Variants in PCDH9 observed in about 807,000 individuals in gnomAD.
PCDH9 encodes protocadherin 9, also known as protocadherin-9.
In PCDH9, 24 loss-of-function variants were observed where a neutral mutation model predicts 70.6. The ratio of observed to expected loss-of-function variants is 0.34; its 90% CI spans 0.25 to 0.48. The LOEUF is 0.48. Among genes scored for constraint, PCDH9 ranks in the 20% least tolerant of loss-of-function variants. The pLI is 0.99. For missense variants in PCDH9, 1,281 were observed against 1,503.6 expected, an observed-to-expected ratio of 0.85 and a Z score of 2.45; for synonymous variants, 562 against 558.5, an observed-to-expected ratio of 1.01 and a Z score of -0.09.
intron 4 of PCDH9, among the ~76,000 whole-genome samples, chr13:66,422,821 G>A (rs1404612396): frequency 2.0e-5 from 3 of 151,980 alleles, no homozygotes; most frequent in Non-Finnish European, 4.4e-5. Flanking sequence ...AGAACTGAAG[G>A]AAACAGAGAC....
intron 2 of PCDH9, among the ~76,000 whole-genome samples, chr13:67,073,778 T>TA (rs1331296659): frequency 6.6e-6 from 1 of 152,134 alleles, no homozygotes; most frequent in Non-Finnish European, 1.5e-5. Flanking sequence ...TTTTGTATGA[T>TA]ACTTTTCTTG....
chr13:66,894,398 A>G (rs931795311), intron 3 of PCDH9, among the ~76,000 whole-genome samples: 1 of 152,198 alleles, frequency 6.6e-6, no homozygotes, highest in African/African-American at 2.4e-5. Context: ...ATTATATAAA[A>G]TTGAAGTATA....
At chr13:67,123,565 G>A (rs929832581) in intron 2 of PCDH9, among the ~76,000 whole-genome samples, 5 of 151,962 alleles carry the variant, frequency 3.3e-5, no homozygotes, top group Non-Finnish European at 5.9e-5. Flanking sequence ...GTAATGTTAC[G>A]ATAATCATCA....
At chr13:66,727,669 G>A (rs912717665) in intron 3 of PCDH9, among the ~76,000 whole-genome samples, 10 of 151,996 alleles carry the variant, frequency 6.6e-5, no homozygotes, top group Admixed American at 1.3e-4. Context: ...TAGACACAGA[G>A]GCACACATAT....
chr13:66,705,082 T>C (rs2078694482), intron 3 of PCDH9, among the ~76,000 whole-genome samples: 1 of 152,140 alleles, frequency 6.6e-6, no homozygotes, highest in Non-Finnish European at 1.5e-5. Context: ...TAAGCAGTTG[T>C]TCTTGAAATG....
intron 3 of PCDH9, among the ~76,000 whole-genome samples, chr13:66,893,943 AT>A (rs1268527661): frequency 6.6e-6 from 1 of 152,108 alleles, no homozygotes; most frequent in Non-Finnish European, 1.5e-5. Flanking sequence ...GCCGATCATC[AT>A]TTAAACTGTG....
intron 2 of PCDH9, among the ~76,000 whole-genome samples, chr13:67,145,157 C>A (rs1054400662): frequency 6.6e-6 from 1 of 151,922 alleles, no homozygotes; most frequent in Admixed American, 6.6e-5. Flanking sequence ...TAATACAATG[C>A]GATGATGACA....
At chr13:67,180,337 A>ATT (rs559327317) in intron 2 of PCDH9, among the ~76,000 whole-genome samples, 4 of 147,698 alleles carry the variant, frequency 2.7e-5, no homozygotes, top group African/African-American at 9.9e-5. Flanking sequence ...AATTTTGAGG[A>ATT]TTTTTTTTTT....
At chr13:66,961,084 T>C (rs189716472) in intron 2 of PCDH9, among the ~76,000 whole-genome samples, 15 of 152,288 alleles carry the variant, frequency 9.8e-5, no homozygotes, top group Admixed American at 5.2e-4. Context: ...TAACTGACTA[T>C]AGTACAAAAA....
chr13:67,056,287 G>A (rs1422713177), intron 2 of PCDH9, among the ~76,000 whole-genome samples: 2 of 152,094 alleles, frequency 1.3e-5, no homozygotes, highest in East Asian at 3.9e-4. Flanking sequence ...ATTATTTCTG[G>A]ATCTGATCAC....
At chr13:66,322,157 G>A (rs1955767203) in intron 4 of PCDH9, among the ~76,000 whole-genome samples, 1 of 151,650 alleles carries the variant, frequency 6.6e-6, no homozygotes, top group African/African-American at 2.4e-5. Flanking sequence ...CTAGATTTTT[G>A]CTTTTAAAAA....
At chr13:66,321,877 T>G (rs1360531997) in intron 4 of PCDH9, among the ~76,000 whole-genome samples, 1 of 151,974 alleles carries the variant, frequency 6.6e-6, no homozygotes, top group Non-Finnish European at 1.5e-5. Context: ...TCTTTGTTTA[T>G]TTCCTTGCTT....
At chr13:66,540,399 A>G (rs1960902815) in intron 4 of PCDH9, among the ~76,000 whole-genome samples, 1 of 152,166 alleles carries the variant, frequency 6.6e-6, no homozygotes, top group Non-Finnish European at 1.5e-5. Context: ...TCACAAATCA[A>G]ACTTTCAGTT....
At chr13:66,818,832 G>A (rs948271776) in intron 3 of PCDH9, among the ~76,000 whole-genome samples, 2 of 152,090 alleles carry the variant, frequency 1.3e-5, no homozygotes, top group Non-Finnish European at 2.9e-5. Context: ...TACACGGGAG[G>A]CTGAGGCAGG....
intron 4 of PCDH9, among the ~76,000 whole-genome samples, chr13:66,369,351 A>G (rs986491563): frequency 1.3e-5 from 2 of 152,124 alleles, no homozygotes; most frequent in South Asian, 4.1e-4. Flanking sequence ...TACTAACACA[A>G]TTTTGTTTCC....
At chr13:66,731,915 G>A (rs1007790617) in intron 3 of PCDH9, among the ~76,000 whole-genome samples, 64 of 151,840 alleles carry the variant, frequency 4.2e-4, no homozygotes, top group African/African-American at 1.4e-3. Context: ...TAAAACATTT[G>A]ATGTCACTGT....
At chr13:66,583,866 T>A (rs1259861501) in intron 4 of PCDH9, among the ~76,000 whole-genome samples, 1 of 152,116 alleles carries the variant, frequency 6.6e-6, no homozygotes, top group East Asian at 1.9e-4. Flanking sequence ...CCAACAGAAA[T>A]ACTATCATTA....
At chr13:66,454,067 T>C (rs551667261) in intron 4 of PCDH9, among the ~76,000 whole-genome samples, 1 of 152,108 alleles carries the variant, frequency 6.6e-6, no homozygotes. Context: ...TTCTTTCTTA[T>C]AAGAATCATC....
At chr13:66,595,180 C>T (rs2077087789) in intron 4 of PCDH9, among the ~76,000 whole-genome samples, 1 of 151,524 alleles carries the variant, frequency 6.6e-6, no homozygotes, top group Admixed American at 6.6e-5. Flanking sequence ...GAAATGTAAA[C>T]ACATCAAGAG....
Sources: gnomAD v4.1 joint callset for allele counts (sites outside exome capture counted in the v4.1 genomes callset) on GRCh38, gnomAD v4.1.1 for gene constraint, MANE v1.5 for transcripts, NCBI Gene and HGNC (gene_info 2026-07-23, HGNC 2026-07-21) for gene names.